The following KCNK9 variants were observed in gnomAD, a reference collection of about 807,000 sequenced individuals.
The protein encoded by KCNK9 is potassium two pore domain channel subfamily K member 9.
In KCNK9, 1 loss-of-function variant was observed where a neutral mutation model predicts 10.8. The ratio of observed to expected loss-of-function variants is 0.09; its 90% CI spans 0.03 to 0.44. The LOEUF (loss-of-function observed/expected upper bound fraction) is 0.44. Ranked by LOEUF, KCNK9 falls within the 20% of genes least tolerant of loss-of-function variation. The pLI is 0.97. For synonymous variants in KCNK9, 231 were observed against 222.7 expected, an observed-to-expected ratio of 1.04 and a Z score of -0.33; for missense variants, 303 against 515.0, an observed-to-expected ratio of 0.59 and a Z score of 3.98.
At chr8:139,679,300 T>C (rs1253875962) in intron 1 of KCNK9, among the ~76,000 whole-genome samples, 1 of 152,170 alleles carries the variant, frequency 6.6e-6, no homozygotes, top group Non-Finnish European at 1.5e-5. Context: ...TCCCCTCCTC[T>C]TGCCGAGAAG....
At chr8:139,645,106 G>A (rs915310996) in intron 1 of KCNK9, among the ~76,000 whole-genome samples, 4 of 152,194 alleles carry the variant, frequency 2.6e-5, no homozygotes, top group African/African-American at 9.6e-5. Context: ...CAAAGAGAGT[G>A]CAAGCCATAG....
chr8:139,661,175 C>T (rs1816141556), intron 1 of KCNK9, among the ~76,000 whole-genome samples: 1 of 152,200 alleles, frequency 6.6e-6, no homozygotes, highest in African/African-American at 2.4e-5. Context: ...CTACCCCATG[C>T]TGACCCAGTC....
intron 1 of KCNK9, 80 bp from the exon 2 acceptor site, chr8:139,619,179 T>A (rs928763001): frequency 1.0e-5 from 15 of 1,491,596 alleles, no homozygotes; most frequent in Non-Finnish European, 1.4e-5. Context: ...GTCGACTTGG[T>A]GCAGTGCAGT....
At chr8:139,680,332 C>T (rs982021425) in intron 1 of KCNK9, among the ~76,000 whole-genome samples, 1 of 152,178 alleles carries the variant, frequency 6.6e-6, no homozygotes, top group Non-Finnish European at 1.5e-5. Context: ...TTTCCACCTC[C>T]CCACCCGGAT....
chr8:139,694,842 C>A (rs560225440), intron 1 of KCNK9, among the ~76,000 whole-genome samples: 51 of 152,256 alleles, frequency 3.3e-4, no homozygotes, highest in African/African-American at 1.2e-3. Flanking sequence ...GCACCACCTT[C>A]GAGCAGCCAC....
chr8:139,652,906 GCT>G (rs1815911181), intron 1 of KCNK9, among the ~76,000 whole-genome samples: 1 of 152,206 alleles, frequency 6.6e-6, no homozygotes, highest in African/African-American at 2.4e-5. Flanking sequence ...TCCTACAAGA[GCT>G]CTGTCCTCTC....
chr8:139,632,151 G>T (rs541983911), intron 1 of KCNK9, among the ~76,000 whole-genome samples: 23 of 152,290 alleles, frequency 1.5e-4, no homozygotes, highest in Non-Finnish European at 3.4e-4. Flanking sequence ...TTGCCGCAAC[G>T]CCCATTCTGC....
chr8:139,700,051 G>A (rs1817166044), intron 1 of KCNK9, among the ~76,000 whole-genome samples: 1 of 152,068 alleles, frequency 6.6e-6, no homozygotes, highest in South Asian at 2.1e-4. Flanking sequence ...TCTAGGCCTA[G>A]GAGCATCTTA....
rs1457511473 is a variant in KCNK9, at chr8:139,618,929, T to A, written c.454A>T (p.Thr152Ser). 5.0e-6 allele frequency: 8 copies of A among 1,614,072 alleles called. No individual in the cohort carries two copies. Among genetic ancestry groups the A allele is most frequent in the Non-Finnish European group, 5.9e-6 (7 of 1,180,048 alleles). Residue 152 changes from threonine to serine, a missense_variant, in exon 2 of 2, where the codon ACT (threonine) becomes TCT (serine). By Grantham distance (58) the Thr-to-Ser change is moderately conservative (BLOSUM62 1). Coordinates refer to ENST00000520439, the MANE Select transcript of KCNK9 (RefSeq NM_001282534.2). This position sits in a 1 kb window ranked among gnomAD's most constrained non-coding sequence, Gnocchi z 7.9. ...ACCATGTTCTCCATAGACACGTCAGTGTTGCGCATGCCACAGCACTTCTTA... is the reference window on the plus strand; with the variant it reads ...ACCATGTTCTCCATAGACACGTCAGAGTTGCGCATGCCACAGCACTTCTTA... Reference protein sequence around the residue: ...RIKKCCGMRNTDVSMENMVTV... With the variant: ...RIKKCCGMRNSDVSMENMVTV...
Position 139,645,239 on chromosome 8 carries a change from C to A in KCNK9, c.284-26140G>T, listed in dbSNP as rs115798716. ...CCCAGGGCACCTCATCATCTCGGGG[C>A]CCCAGCAGCCCCACCTGCAAGAAGG... is the stretch of plus-strand genomic sequence containing the variant. On this transcript the variant is annotated intron_variant, in intron 1 of 1. Transcript: ENST00000520439. 4.9e-3 allele frequency among the ~76,000 whole-genome samples: 752 copies of A among 152,270 alleles called. 5 individuals are homozygous for A. Among genetic ancestry groups the A allele is most frequent in the African/African-American group, 0.015 (637 of 41,558 alleles).
At chr8:139,689,696 G>A (rs577773748) in intron 1 of KCNK9, among the ~76,000 whole-genome samples, 47 of 148,168 alleles carry the variant, frequency 3.2e-4, no homozygotes, top group African/African-American at 9.7e-4. Flanking sequence ...AAGCTGGAGC[G>A]CAGTGGCGTG....
At chr8:139,614,644 G>T (rs951897349), downstream of KCNK9, among the ~76,000 whole-genome samples, 9 of 152,138 alleles carry the variant, frequency 5.9e-5, no homozygotes, top group African/African-American at 2.2e-4. Context: ...AACCCAGAGG[G>T]GTTGGTTCAG....
intron 1 of KCNK9, among the ~76,000 whole-genome samples, chr8:139,700,544 G>GCACA (rs145303403): frequency 1.4e-5 from 2 of 142,588 alleles, no homozygotes; most frequent in African/African-American, 5.3e-5. Flanking sequence ...ACACACGCGC[G>GCACA]CACACACACA....
intron 2 of KCNK9, among the ~76,000 whole-genome samples, chr8:139,603,419 C>A (rs1224409322): frequency 6.6e-6 from 1 of 152,146 alleles, no homozygotes; most frequent in African/African-American, 2.4e-5. Flanking sequence ...CACTGATTAG[C>A]CAGGGACTCA....
At chr8:139,606,138 GCT>G (rs1817481994) in intron 2 of KCNK9, among the ~76,000 whole-genome samples, 1 of 152,126 alleles carries the variant, frequency 6.6e-6, no homozygotes. Context: ...TTCAAATCCC[GCT>G]CACCAAGGGA....
At chr8:139,696,218 T>C (rs907090131) in intron 1 of KCNK9, among the ~76,000 whole-genome samples, 2 of 152,136 alleles carry the variant, frequency 1.3e-5, no homozygotes, top group African/African-American at 4.8e-5. Context: ...TCTTTACCAC[T>C]GGAGGCATTC....
At chr8:139,686,336 A>G (rs1816786972) in intron 1 of KCNK9, among the ~76,000 whole-genome samples, 2 of 152,358 alleles carry the variant, frequency 1.3e-5, no homozygotes, top group South Asian at 4.1e-4. Flanking sequence ...AACCTACAGA[A>G]TGGGAGAAAA....
intron 1 of KCNK9, among the ~76,000 whole-genome samples, chr8:139,671,348 T>C (rs925310840): frequency 2.0e-5 from 3 of 152,132 alleles, no homozygotes; most frequent in African/African-American, 4.8e-5. Flanking sequence ...TTCTTTGTAC[T>C]GTGTTCGCAG....
intron 1 of KCNK9, among the ~76,000 whole-genome samples, chr8:139,687,482 A>T (rs1816826975): frequency 8.4e-6 from 1 of 118,636 alleles, no homozygotes; most frequent in African/African-American, 3.3e-5. Flanking sequence ...ATATATGTAT[A>T]CATATATACA....
Sources: gnomAD v4.1 joint callset for allele counts (sites outside exome capture counted in the v4.1 genomes callset) on GRCh38, gnomAD v4.1.1 for gene constraint, Gnocchi (gnomAD v3.1) non-coding constraint, MANE v1.5 for transcripts, NCBI Gene and HGNC (gene_info 2026-07-23, HGNC 2026-07-21) for gene names.